Variants in ARHGAP44 observed in about 807,000 individuals in gnomAD.
ARHGAP44 encodes rho GTPase-activating protein 44.
Under a neutral mutation model 106.8 loss-of-function variants are expected in ARHGAP44, and 43 were observed. The ratio of observed to expected loss-of-function variants is 0.40; its 90% CI spans 0.32 to 0.52. ARHGAP44 has a LOEUF of 0.52. Among genes scored for constraint, ARHGAP44 ranks in the 20% least tolerant of loss-of-function variants. ARHGAP44 has a pLI of 0.48. For synonymous variants in ARHGAP44, 439 were observed against 410.3 expected (o/e 1.07, Z -0.85); for missense variants, 866 against 1,050.5 (o/e 0.82, Z 2.43).
At chr17:12,913,477 T>TTAA (rs1219297168) in intron 4 of ARHGAP44, among the ~76,000 whole-genome samples, 1 of 152,112 alleles carries the variant, frequency 6.6e-6, no homozygotes, top group Non-Finnish European at 1.5e-5. Context: ...TAAGCATTTA[T>TTAA]TAATATGAAT....
intron 1 of ARHGAP44, among the ~76,000 whole-genome samples, chr17:12,862,098 G>C (rs1597959882): frequency 6.6e-6 from 1 of 152,124 alleles, no homozygotes; most frequent in Admixed American, 6.6e-5. Flanking sequence ...CTTTTGGGAG[G>C]CGGGGCATTA....
intron 1 of ARHGAP44, among the ~76,000 whole-genome samples, chr17:12,880,986 G>A (rs2036720397): frequency 6.6e-6 from 1 of 151,966 alleles, no homozygotes; most frequent in Non-Finnish European, 1.5e-5. Flanking sequence ...TCCTCCTTAC[G>A]AATGAAGTTG....
rs201740712 is a variant in ARHGAP44, at chr17:12,958,984, G to A, written c.1523+87G>A. On this transcript the variant is annotated intron_variant, in intron 16 of 20. Transcript: ENST00000379672. This position sits in a 1 kb window ranked among gnomAD's most constrained non-coding sequence, Gnocchi z 4.1. ...TGACGCATAAGAAAAATACAATTAC[G>A]GGAAGGCTGCACTGACTCTCAGCAG... The A allele has an allele frequency of 3.2e-4, 463 of 1,448,036 alleles. No homozygotes were observed. Among genetic ancestry groups the A allele is most frequent in the Non-Finnish European group, 3.6e-4 (379 of 1,061,162 alleles). 89.7% of individuals were successfully genotyped at this position (1,448,036 alleles called of 1,614,324 possible). A position where few individuals can be genotyped will look rare whatever the true frequency, so the allele number is the denominator to read the frequency against.
At chr17:12,828,907 C>G (rs1357696349) in intron 1 of ARHGAP44, among the ~76,000 whole-genome samples, 2 of 151,416 alleles carry the variant, frequency 1.3e-5, no homozygotes, top group Admixed American at 1.3e-4. Flanking sequence ...TCCCAAAGTG[C>G]TGGGATTACA....
At chr17:12,857,108 C>T (rs1356554443) in intron 1 of ARHGAP44, among the ~76,000 whole-genome samples, 1 of 152,184 alleles carries the variant, frequency 6.6e-6, no homozygotes, top group Non-Finnish European at 1.5e-5. Flanking sequence ...CATTAATCAT[C>T]ATACAGACCT....
intron 16 of ARHGAP44, among the ~76,000 whole-genome samples, chr17:12,966,619 A>G (rs1374533924): frequency 6.6e-6 from 1 of 152,158 alleles, no homozygotes; most frequent in African/African-American, 2.4e-5. Flanking sequence ...GCTCCCTGCC[A>G]CAGTTCATCT....
chr17:12,904,385 C>T (rs1034811346), intron 3 of ARHGAP44, among the ~76,000 whole-genome samples: 1 of 152,160 alleles, frequency 6.6e-6, no homozygotes. Flanking sequence ...GGATTACAGG[C>T]GTGAGCCACG....
intron 1 of ARHGAP44, among the ~76,000 whole-genome samples, chr17:12,894,241 A>AGT (rs60415791): frequency 0.046 from 6,828 of 148,034 alleles, 483 homozygotes; most frequent in African/African-American, 0.16. Flanking sequence ...AGAGAGAGAG[A>AGT]GTGTGTGTGT....
At chr17:12,887,332 G>A (rs1204492709) in intron 1 of ARHGAP44, among the ~76,000 whole-genome samples, 4 of 152,114 alleles carry the variant, frequency 2.6e-5, no homozygotes, top group South Asian at 4.2e-4. Flanking sequence ...GGGCTCCAGC[G>A]ATCCTCCCAC....
chr17:12,965,142 A>G (rs547051237), intron 16 of ARHGAP44, among the ~76,000 whole-genome samples: 20 of 152,292 alleles, frequency 1.3e-4, no homozygotes, highest in South Asian at 8.3e-4. Context: ...GCTGCCCCAC[A>G]GACCCCATCA....
rs2040148809 is a variant in ARHGAP44, at chr17:12,991,502, T to C, written c.*1331T>C. On this transcript the variant is annotated 3_prime_UTR_variant, in exon 21 of 21. Coordinates refer to ENST00000379672, the MANE Select transcript of ARHGAP44 (RefSeq NM_014859.6). ...CAGAGTTTTGATGTTGCAGCTTTGC[T>C]CACTTCCTGGCAAGGGCAGGTCATG... is the stretch of plus-strand genomic sequence containing the variant. 5.8e-6 allele frequency: 1 copy of C among 173,838 alleles called. No homozygotes were observed. The highest frequency in any genetic ancestry group is 2.0e-4 in the South Asian group (1 of 4,990). The allele number at this position is 173,838 out of a possible 1,614,324, so 10.8% of individuals were successfully genotyped here. A position where few individuals can be genotyped will look rare whatever the true frequency, so the allele number is the denominator to read the frequency against.
At position 12,956,866 on chromosome 17, in the gene ARHGAP44, AACACACACACAC is replaced by A; in HGVS notation, c.1342+131_1342+142del. 4.8e-6 allele frequency: 3 copies of A among 621,428 alleles called. No homozygotes were observed. The East Asian group carries it at 8.7e-5, about 18-fold the overall frequency. The allele number at this position is 621,428 out of a possible 1,614,324, so 38.5% of individuals were successfully genotyped here. On this transcript the variant is annotated intron_variant, in intron 15 of 20. Transcript: ENST00000379672. ...GGCTTTTTTTTTTGATTCCCCTATA[AACACACACACAC>A]ACACACACACGCATGCAGACATGCA...
chr17:12,975,201 A>T (rs2143349596), intron 18 of ARHGAP44, among the ~76,000 whole-genome samples: 1 of 152,306 alleles, frequency 6.6e-6, no homozygotes, highest in South Asian at 2.1e-4. Context: ...AGTTGACCAC[A>T]GGTAACTGAA....
intron 1 of ARHGAP44, among the ~76,000 whole-genome samples, chr17:12,838,104 A>T (rs952202080): frequency 2.0e-5 from 3 of 152,190 alleles, no homozygotes; most frequent in Admixed American, 2.0e-4. Flanking sequence ...CGTTGTAAAT[A>T]TTTAAATAAC....
chr17:12,867,871 C>T (rs544668286), intron 1 of ARHGAP44, among the ~76,000 whole-genome samples: 11 of 152,230 alleles, frequency 7.2e-5, no homozygotes, highest in African/African-American at 2.6e-4. Context: ...GTATAAGAAA[C>T]CAAAACTGGG....
chr17:12,931,086 T>C (rs1447157112), intron 7 of ARHGAP44, among the ~76,000 whole-genome samples: 1 of 152,224 alleles, frequency 6.6e-6, no homozygotes, highest in Non-Finnish European at 1.5e-5. Flanking sequence ...TTCTGTTTTG[T>C]TTTGAGACAG....
intron 1 of ARHGAP44, among the ~76,000 whole-genome samples, chr17:12,800,341 G>T (rs2034053091): frequency 2.0e-5 from 3 of 152,130 alleles, no homozygotes; most frequent in Admixed American, 1.3e-4. Context: ...AATCCCCATG[G>T]TGACTAATAG....
chr17:12,942,799 A>G (rs975505446), intron 8 of ARHGAP44, among the ~76,000 whole-genome samples: 13 of 152,176 alleles, frequency 8.5e-5, no homozygotes, highest in African/African-American at 2.4e-4. Context: ...AGTGTTTATG[A>G]GTTTCATCTG....
At chr17:12,890,455 G>A (rs1400274395) in intron 1 of ARHGAP44, among the ~76,000 whole-genome samples, 1 of 152,172 alleles carries the variant, frequency 6.6e-6, no homozygotes, top group Non-Finnish European at 1.5e-5. Flanking sequence ...CTTGAGTAAT[G>A]GCTGGGGCAG....
Sources: gnomAD v4.1 joint callset for allele counts (sites outside exome capture counted in the v4.1 genomes callset) on GRCh38, gnomAD v4.1.1 for gene constraint, Gnocchi (gnomAD v3.1) non-coding constraint, MANE v1.5 for transcripts, NCBI Gene and HGNC (gene_info 2026-07-23, HGNC 2026-07-21) for gene names.